Variants in AASS observed in about 807,000 individuals in gnomAD.
AASS encodes aminoadipate-semialdehyde synthase, also known as alpha-aminoadipic semialdehyde synthase, mitochondrial.
In AASS, 86 loss-of-function variants were observed where a neutral mutation model predicts 105.4. The observed-to-expected ratio is 0.82, with a 90% confidence interval of 0.69 to 0.98. The LOEUF is 0.98. Among genes scored for constraint, AASS ranks in the 50% least tolerant of loss-of-function variants. The probability of loss-of-function intolerance (pLI) is 0.00; values close to 1 mark genes in which losing one functional copy is unlikely to be tolerated. For missense variants in AASS, 1,048 were observed against 1,143.2 expected (o/e 0.92, Z 1.20); for synonymous variants, 381 against 394.8 (o/e 0.96, Z 0.41).
chr7:122,098,998 A>T (rs929763068), intron 13 of AASS, 132 bp from the exon 14 acceptor site: 2 of 969,632 alleles, frequency 2.1e-6, no homozygotes, highest in Admixed American at 6.0e-5. Context: ...TCTTCACATT[A>T]CTTAAAATAA....
In AASS at chr7:122,098,375, G is replaced by A. The variant is rs1018443171; in HGVS notation, c.1655+75C>T. On this transcript the variant is annotated intron_variant, in intron 15 of 23. Transcript: ENST00000417368. ...ACTCCAAAGGAGTATGAAGAGAGGA[G>A]AAGTGAAAGAGAAAGAAAAATGAGA... 4 of 1,549,990 alleles carry A rather than the reference G, an allele frequency of 2.6e-6. No individual in the cohort carries two copies. The African/African-American group carries it at 4.1e-5, about 16-fold the overall frequency.
chr7:122,137,713 A>C (rs900035826), intron 1 of AASS, among the ~76,000 whole-genome samples: 1 of 152,234 alleles, frequency 6.6e-6, no homozygotes, highest in Non-Finnish European at 1.5e-5. Flanking sequence ...ATTGCACTGC[A>C]GGTGTCTAGT....
chr7:122,105,191 G>A (rs1159038707), intron 11 of AASS, among the ~76,000 whole-genome samples: 1 of 152,044 alleles, frequency 6.6e-6, no homozygotes, highest in Non-Finnish European at 1.5e-5. Flanking sequence ...GTAAATACAT[G>A]TGCACTCAAC....
chr7:122,080,114 C>T (rs1793239089), intron 20 of AASS, among the ~76,000 whole-genome samples: 1 of 152,156 alleles, frequency 6.6e-6, no homozygotes, highest in Non-Finnish European at 1.5e-5. Context: ...CCAGTAGCAA[C>T]CCAGGTTCTT....
rs745549297 is a variant in AASS at position 122,116,869 on chromosome 7, T to C, written c.766+10A>G. On this transcript the variant is annotated intron_variant, in intron 7 of 23. Coordinates refer to ENST00000417368, the MANE Select transcript of AASS (RefSeq NM_005763.4). Reference sequence around the variant, plus strand: ...AAAACATTAAAAGTTAGTCATCTCCTGTCCCTTACCTCCAGTTTGGGAAAC... The same window carrying C: ...AAAACATTAAAAGTTAGTCATCTCCCGTCCCTTACCTCCAGTTTGGGAAAC... 3 of 1,613,734 alleles carry C rather than the reference T, an allele frequency of 1.9e-6. No homozygotes were observed. The highest frequency in any genetic ancestry group is 2.5e-6 in the Non-Finnish European group (3 of 1,179,656).
chr7:122,118,959 C>T (rs1353096291), intron 4 of AASS, among the ~76,000 whole-genome samples: 1 of 152,166 alleles, frequency 6.6e-6, no homozygotes, highest in African/African-American at 2.4e-5. Flanking sequence ...AGTTACTCCC[C>T]TCACTATCCT....
intron 19 of AASS, 104 bp downstream of exon 19, chr7:122,085,908 C>T (rs1180456200): frequency 9.3e-6 from 12 of 1,291,716 alleles, no homozygotes; most frequent in Middle Eastern, 2.0e-4. Context: ...TAGACTCCAA[C>T]TTGGTTTATC....
At position 122,116,935 on chromosome 7, in the gene AASS, T is replaced by TCACAAG. The variant is rs1246521751; in HGVS notation, c.709_710insCTTGTG (p.Asn236_Glu237insAlaCys). 1 of 1,613,940 alleles carries TCACAAG rather than the reference T, an allele frequency of 6.2e-7. No individual in the cohort carries two copies. The highest frequency in any genetic ancestry group is 2.2e-5 in the East Asian group (1 of 44,858). On this transcript the variant is annotated inframe_insertion, in exon 7 of 24. Transcript: ENST00000417368. Reference sequence around the variant, plus strand: ...GGGCTCCACATATTCACAAGGTAGCTCATTAAAGATTGCTTGGGCTCCCTA... The same window carrying TCACAAG: ...GGGCTCCACATATTCACAAGGTAGCTCACAAGCATTAAAGATTGCTTGGGCTCCCTA...
chr7:122,082,416 G>A (rs1793390751), intron 19 of AASS, among the ~76,000 whole-genome samples: 2 of 152,080 alleles, frequency 1.3e-5, no homozygotes, highest in South Asian at 4.1e-4. Flanking sequence ...CCTCCCTTCA[G>A]ACCCAGTTTA....
rs140378858 is a variant in AASS at position 122,116,352 on chromosome 7, C to T, written c.894+281G>A. ...CCAGGATAAATACAGAAAACAGTAACGCACAGGAAATGGCTTAGCGCTATT... is the reference window on the plus strand; with the variant it reads ...CCAGGATAAATACAGAAAACAGTAATGCACAGGAAATGGCTTAGCGCTATT... On this transcript the variant is annotated intron_variant, in intron 8 of 23. Transcript: ENST00000417368. Among the ~76,000 whole-genome samples, 1,197 of 152,240 alleles carry T rather than the reference C, an allele frequency of 7.9e-3. 16 individuals carry two copies. The highest frequency in any genetic ancestry group is 0.011 in the Non-Finnish European group (740 of 68,018).
At chr7:122,081,668 A>T (rs1793330298) in intron 19 of AASS, 73 bp from the exon 20 acceptor site, 1 of 1,003,754 alleles carries the variant, frequency 1.0e-6, no homozygotes, top group African/African-American at 1.6e-5. Context: ...ATTTTTGAAA[A>T]GAGGGATATA....
At chr7:122,107,418 T>C (rs1168793817) in intron 11 of AASS, among the ~76,000 whole-genome samples, 1 of 152,062 alleles carries the variant, frequency 6.6e-6, no homozygotes, top group Non-Finnish European at 1.5e-5. Context: ...AAATGTTCTA[T>C]CATAAGGACA....
chr7:122,138,666 T>A (rs929656614), intron 1 of AASS, among the ~76,000 whole-genome samples: 4 of 152,216 alleles, frequency 2.6e-5, no homozygotes, highest in African/African-American at 9.6e-5. Context: ...TATGATACTG[T>A]CTTATCTTTC....
At chr7:122,110,652 C>T (rs1036184249) in intron 11 of AASS, among the ~76,000 whole-genome samples, 1 of 151,722 alleles carries the variant, frequency 6.6e-6, no homozygotes, top group Non-Finnish European at 1.5e-5. Context: ...AATATCCAAA[C>T]CTGACAAAGA....
chr7:122,101,385 T>C lies in AASS; in HGVS notation c.1392A>G (p.Thr464=), dbSNP rs1468993774. 1.9e-6 allele frequency: 3 copies of C among 1,608,434 alleles called. No homozygotes were observed. The African/African-American group carries it at 4.0e-5, about 22-fold the overall frequency. The change falls in exon 13 of 24, where the codon ACA becomes ACG. Residue 464 remains threonine, a synonymous_variant. Transcript: ENST00000417368. ...TLPDKYKYIQ[T]LRESRERAQS... The stretch of plus-strand genomic sequence containing the variant: ...ACAATACTTACCTGCTCTCCCGGAG[T>C]GTCTGGATATATTTATATTTATCAG...
chr7:122,109,256 A>AAC, intron 11 of AASS, among the ~76,000 whole-genome samples: 1 of 151,382 alleles, frequency 6.6e-6, no homozygotes, highest in South Asian at 2.1e-4. Flanking sequence ...TCCTTACCAA[A>AAC]AAAAAAAAAA....
At chr7:122,117,040 C>A (rs753178045) in intron 6 of AASS, 83 bp from the exon 7 acceptor site, 137 of 1,252,700 alleles carry the variant, frequency 1.1e-4, no homozygotes, top group Middle Eastern at 1.9e-4. Context: ...GATCATTTTC[C>A]CAACAATTAC....
chr7:122,081,584 T>C lies in AASS; in HGVS notation c.2196A>G (p.Lys732=), dbSNP rs1254918382. ...CTAATTTTACAAATCCATTCAAAGC[T>C]TTCATATATCCCTGAAACAAGAATT... The part of the protein sequence containing the change: ...RGTLRYKGYM[K]ALNGFVKLGL... The change falls in exon 20 of 24, where the codon AAA becomes AAG. Residue 732 remains lysine (K), a synonymous_variant. Transcript: ENST00000417368. 1 of 1,611,522 alleles carries C rather than the reference T, an allele frequency of 6.2e-7. No individual in the cohort carries two copies. Among genetic ancestry groups the C allele is most frequent in the East Asian group, 2.2e-5 (1 of 44,870 alleles).
At chr7:122,140,099 C>G (rs902439213) in intron 1 of AASS, among the ~76,000 whole-genome samples, 1 of 152,014 alleles carries the variant, frequency 6.6e-6, no homozygotes, top group African/African-American at 2.4e-5. Context: ...TCTCTTCAAC[C>G]CTTTCCATAG....
Sources: gnomAD v4.1 joint callset for allele counts (sites outside exome capture counted in the v4.1 genomes callset) on GRCh38, gnomAD v4.1.1 for gene constraint, MANE v1.5 for transcripts, NCBI Gene and HGNC (gene_info 2026-07-23, HGNC 2026-07-21) for gene names.